FNDC3B: variants seen among roughly 807,000 people sequenced by gnomAD.
The protein encoded by FNDC3B is fibronectin type III domain containing 3B, also known as fibronectin type III domain-containing protein 3B.
Under a neutral mutation model 151.5 loss-of-function variants are expected in FNDC3B, and 12 were observed. The observed-to-expected ratio is 0.08, with a 90% CI of 0.05 to 0.13. The LOEUF is 0.13. FNDC3B is among the 10% of genes least tolerant of loss of function. The pLI is 1.00. For missense variants in FNDC3B, 1,214 were observed against 1,505.3 expected, an observed-to-expected ratio of 0.81 and a Z score of 3.20; for synonymous variants, 528 against 549.0, an observed-to-expected ratio of 0.96 and a Z score of 0.54.
intron 23 of FNDC3B, among the ~76,000 whole-genome samples, chr3:172,372,323 A>AC (rs1347513771): frequency 6.6e-6 from 1 of 151,902 alleles, no homozygotes; most frequent in East Asian, 1.9e-4. Context: ...AGAGTAGAAG[A>AC]CCCCTCAGAG....
rs1273722362 is a variant in FNDC3B at position 172,401,475 on chromosome 3, T to C, written c.*4000T>C. 6.6e-6 allele frequency: 1 copy of C among 152,266 alleles called. No individual in the cohort carries two copies. Among genetic ancestry groups the C allele is most frequent in the Non-Finnish European group, 1.5e-5 (1 of 68,062 alleles). The allele number at this position is 152,266 out of a possible 1,614,324, so 9.4% of individuals were successfully genotyped here. ...CAGTTTAATCCTTTATCAGAGTCTC[T>C]GTGGATAATGTACCTTGTTGCCTAA... On this transcript the variant is annotated 3_prime_UTR_variant, in exon 26 of 26. Coordinates refer to ENST00000415807, the MANE Select transcript of FNDC3B (RefSeq NM_022763.4).
At chr3:172,373,108 G>T (rs1289019595) in intron 23 of FNDC3B, among the ~76,000 whole-genome samples, 1 of 152,170 alleles carries the variant, frequency 6.6e-6, no homozygotes, top group Non-Finnish European at 1.5e-5. Flanking sequence ...TTAAGCAGGT[G>T]TGACTCCTCG....
chr3:172,159,194 C>G (rs138532203), intron 3 of FNDC3B, among the ~76,000 whole-genome samples: 1,530 of 152,154 alleles, frequency 0.01, 32 homozygotes, highest in African/African-American at 0.035. Context: ...CAGGAGAATC[C>G]CTTGAACCTG....
At chr3:172,059,661 G>A (rs1030174068) in intron 1 of FNDC3B, among the ~76,000 whole-genome samples, 11 of 152,190 alleles carry the variant, frequency 7.2e-5, no homozygotes, top group East Asian at 1.9e-4. Flanking sequence ...CAAGTTAGGC[G>A]TATTGTTTAT....
intron 3 of FNDC3B, among the ~76,000 whole-genome samples, chr3:172,201,950 T>A (rs1380018906): frequency 6.6e-6 from 1 of 152,256 alleles, no homozygotes; most frequent in Non-Finnish European, 1.5e-5. Context: ...CAGCTCTACT[T>A]CGTGCATTTT....
At chr3:172,240,926 T>TTATTCTCTAGCCA (rs1727460809) in intron 4 of FNDC3B, among the ~76,000 whole-genome samples, 1 of 152,152 alleles carries the variant, frequency 6.6e-6, no homozygotes, top group East Asian at 1.9e-4. Flanking sequence ...ATTTTGTGCC[T>TTATTCTCTAGCCA]TATTCTCTAG....
intron 3 of FNDC3B, among the ~76,000 whole-genome samples, chr3:172,169,511 A>C (rs985475939): frequency 5.3e-5 from 8 of 152,234 alleles, no homozygotes; most frequent in African/African-American, 1.9e-4. Flanking sequence ...ACTTTGTTGG[A>C]GAGCAACCTT....
intron 7 of FNDC3B, among the ~76,000 whole-genome samples, chr3:172,287,900 G>A (rs1186780246): frequency 2.0e-5 from 3 of 152,164 alleles, no homozygotes; most frequent in African/African-American, 4.8e-5. Context: ...GGGTAAGAGC[G>A]TCATCTGAGA....
chr3:172,348,304 T>C (rs1015111677), intron 21 of FNDC3B, among the ~76,000 whole-genome samples: 2 of 152,254 alleles, frequency 1.3e-5, no homozygotes, highest in Admixed American at 6.5e-5. Flanking sequence ...ATTCGCTTCA[T>C]AACTTAATTT....
chr3:172,246,696 T>A (rs1727794834), intron 4 of FNDC3B, among the ~76,000 whole-genome samples: 1 of 152,150 alleles, frequency 6.6e-6, no homozygotes, highest in Non-Finnish European at 1.5e-5. Context: ...CTGTAGTGTA[T>A]GATGATCACA....
intron 1 of FNDC3B, among the ~76,000 whole-genome samples, chr3:172,086,237 G>A (rs2108504822): frequency 6.6e-6 from 1 of 152,168 alleles, no homozygotes; most frequent in East Asian, 1.9e-4. Context: ...GCACACACCT[G>A]TAGTCCCAGC....
chr3:172,306,428 G>T (rs977319323), intron 9 of FNDC3B, among the ~76,000 whole-genome samples: 4 of 152,180 alleles, frequency 2.6e-5, no homozygotes, highest in Non-Finnish European at 5.9e-5. Context: ...AGAGAGGGTG[G>T]CTATAAGAAT....
chr3:172,332,955 T>A (rs1392714939), intron 13 of FNDC3B, 134 bp from the exon 14 acceptor site: 13 of 727,892 alleles, frequency 1.8e-5, no homozygotes, highest in Non-Finnish European at 3.2e-5. Flanking sequence ...ATTTTTCTCT[T>A]TTGCGGTAGC....
chr3:172,340,367 C>T (rs1733237830), intron 16 of FNDC3B, among the ~76,000 whole-genome samples: 1 of 151,568 alleles, frequency 6.6e-6, no homozygotes, highest in Non-Finnish European at 1.5e-5. Context: ...CTCACTGCAA[C>T]CTCTGCCTCC....
intron 1 of FNDC3B, among the ~76,000 whole-genome samples, chr3:172,098,797 G>A (rs774411912): frequency 1.3e-5 from 2 of 152,176 alleles, no homozygotes; most frequent in Non-Finnish European, 2.9e-5. Flanking sequence ...TAGGCAGTTA[G>A]GGCCTGTGAA....
intron 3 of FNDC3B, among the ~76,000 whole-genome samples, chr3:172,176,229 C>T (rs1723586222): frequency 6.6e-6 from 1 of 152,264 alleles, no homozygotes; most frequent in African/African-American, 2.4e-5. Context: ...TTTAGTAGTT[C>T]CACTAAAGCT....
chr3:172,342,806 G>A (rs1377291034), intron 17 of FNDC3B, among the ~76,000 whole-genome samples: 1 of 152,148 alleles, frequency 6.6e-6, no homozygotes, highest in Non-Finnish European at 1.5e-5. Flanking sequence ...GCCATATGAA[G>A]TCTATAGCCA....
chr3:172,366,726 T>A (rs889502178), intron 23 of FNDC3B, among the ~76,000 whole-genome samples: 2 of 152,280 alleles, frequency 1.3e-5, no homozygotes, highest in East Asian at 1.9e-4. Context: ...GAATGGCATC[T>A]AAGGTAGGCT....
chr3:172,317,863 G>A (rs1332046380), intron 11 of FNDC3B, among the ~76,000 whole-genome samples: 1 of 152,208 alleles, frequency 6.6e-6, no homozygotes, highest in Non-Finnish European at 1.5e-5. Context: ...TGCTATCGAT[G>A]GATGTTAACT....
Sources: allele counts gnomAD v4.1 joint callset (sites outside exome capture counted in the v4.1 genomes callset), GRCh38; gene constraint gnomAD v4.1.1; transcripts MANE v1.5; gene names NCBI Gene and HGNC (gene_info 2026-07-23, HGNC 2026-07-21).